Variants in DMXL1 observed in about 807,000 individuals in gnomAD.
DMXL1 encodes the protein dmX-like protein 1.
DMXL1 carries 99 observed loss-of-function variants against 319.2 expected under a neutral mutation model. The observed-to-expected ratio is 0.31, with a 90% confidence interval of 0.26 to 0.37. DMXL1 has a LOEUF of 0.37. DMXL1 is among the 10% of genes least tolerant of loss of function. The pLI, the probability that DMXL1 is intolerant of heterozygous loss-of-function variation, is 1.00. For synonymous variants in DMXL1, 1,385 were observed against 1,235.2 expected (o/e 1.12, Z -2.54); for missense variants, 3,745 against 3,595.6 (o/e 1.04, Z -1.06).
intron 10 of DMXL1, chr5:119,132,861 A>G: frequency 1.8e-6 from 1 of 566,606 alleles, no homozygotes. Flanking sequence ...TCATCTGTGC[A>G]AGGGCAAAAG....
intron 1 of DMXL1, among the ~76,000 whole-genome samples, chr5:119,072,530 T>A (rs974030532): frequency 6.6e-6 from 1 of 152,150 alleles, no homozygotes; most frequent in Non-Finnish European, 1.5e-5. Context: ...GCTGTAGGCT[T>A]TTTTCTTTAA....
intron 43 of DMXL1, among the ~76,000 whole-genome samples, chr5:119,245,787 C>T (rs1239855608): frequency 6.6e-6 from 1 of 152,000 alleles, no homozygotes; most frequent in Non-Finnish European, 1.5e-5. Context: ...ATCCGCCTGC[C>T]TGCCTCTGCC....
intron 13 of DMXL1, among the ~76,000 whole-genome samples, chr5:119,141,083 T>C (rs370749770): frequency 6.6e-6 from 1 of 152,198 alleles, no homozygotes; most frequent in Admixed American, 6.5e-5. Flanking sequence ...CTCAATAAAC[T>C]AGGTGTTGAA....
At chr5:119,071,771 C>G in intron 1 of DMXL1, 115 bp downstream of exon 1, 1 of 922,192 alleles carries the variant, frequency 1.1e-6, no homozygotes, top group East Asian at 2.7e-5. Context: ...CCAGGGGGGT[C>G]CTTACCACCC....
In DMXL1 at chr5:119,129,205, T is replaced by G; in HGVS notation, c.1103-6T>G. ...ATTTTAATTTTATCTTTTTTTTCTC[T>G]TATAGACATTCCACTTCTTCCATCT... On this transcript the variant is annotated splice_region_variant and splice_polypyrimidine_tract_variant and intron_variant, in intron 9 of 43. Transcript: ENST00000539542. 6.3e-7 allele frequency: 1 copy of G among 1,583,268 alleles called. No individual in the cohort carries two copies. The highest frequency in any genetic ancestry group is 8.6e-7 in the Non-Finnish European group (1 of 1,159,894).
intron 41 of DMXL1, among the ~76,000 whole-genome samples, chr5:119,239,432 G>A (rs1428520679): frequency 1.3e-5 from 2 of 152,092 alleles, no homozygotes; most frequent in African/African-American, 4.8e-5. Context: ...CTCGTCTTCC[G>A]TAGATATTTC....
intron 2 of DMXL1, among the ~76,000 whole-genome samples, chr5:119,100,257 C>T (rs528663546): frequency 2.0e-5 from 3 of 151,476 alleles, no homozygotes; most frequent in African/African-American, 7.3e-5. Flanking sequence ...AGAGAAACCC[C>T]GTCTCTACTA....
chr5:119,161,417 C>T (rs1454030544), intron 19 of DMXL1, among the ~76,000 whole-genome samples: 2 of 152,136 alleles, frequency 1.3e-5, no homozygotes, highest in South Asian at 2.1e-4. Flanking sequence ...AGGCTGGCCC[C>T]GAGGTTAGGC....
chr5:119,228,847 C>G (rs1023896755), intron 38 of DMXL1, among the ~76,000 whole-genome samples: 2 of 151,844 alleles, frequency 1.3e-5, no homozygotes, highest in African/African-American at 4.8e-5. Flanking sequence ...AAGGCAAATA[C>G]AGAAAGTTAT....
intron 42 of DMXL1, among the ~76,000 whole-genome samples, chr5:119,242,579 C>T (rs1283371843): frequency 6.6e-6 from 1 of 152,152 alleles, no homozygotes; most frequent in Non-Finnish European, 1.5e-5. Flanking sequence ...ATCAAAATTC[C>T]AGCATGCTAC....
At chr5:119,229,635 C>G (rs1786287773) in intron 38 of DMXL1, among the ~76,000 whole-genome samples, 1 of 152,172 alleles carries the variant, frequency 6.6e-6, no homozygotes, top group African/African-American at 2.4e-5. Context: ...ATCCTTCATA[C>G]CTCATAGCTT....
Position 119,134,157 on chromosome 5 carries a change from C to G in DMXL1, c.2233C>G (p.Leu745Val). Residue 745 changes from leucine (L) to valine (V), a missense_variant, in exon 12 of 44, where the codon CTT becomes GTT. Physicochemically the swap from Leu to Val is conservative, Grantham distance 32 (BLOSUM62 1). Coordinates refer to ENST00000539542, the MANE Select transcript of DMXL1 (RefSeq NM_001290321.3). ...AFSNVAWLPT[L>V]IPSYCLGAYC... ...TTCCAATGTGGCATGGCTGCCCACT[C>G]TTATACCCAGTTATTGTCTGGGTAA... The G allele has an allele frequency of 6.2e-7, 1 of 1,613,620 alleles. No homozygotes were observed. The highest frequency in any genetic ancestry group is 8.5e-7 in the Non-Finnish European group (1 of 1,179,908).
intron 29 of DMXL1, 141 bp from the exon 30 acceptor site, chr5:119,193,687 A>G (rs1779101161): frequency 1.2e-6 from 1 of 831,448 alleles, no homozygotes; most frequent in Middle Eastern, 3.5e-4. Context: ...TGTCAAAGGC[A>G]TAGGATGGTA....
chr5:119,194,828 T>A (rs1347370404), intron 30 of DMXL1, among the ~76,000 whole-genome samples: 1 of 151,958 alleles, frequency 6.6e-6, no homozygotes, highest in Non-Finnish European at 1.5e-5. Context: ...GCCGAGGTGG[T>A]CAGATCACTT....
chr5:119,178,034 G>A lies in DMXL1; in HGVS notation c.6925G>A (p.Glu2309Lys), dbSNP rs776291083. The change falls in exon 28 of 44, where the codon GAG (glutamate) becomes AAG (lysine). Residue 2309 changes from glutamate to lysine, a missense_variant. Around this residue, in one of 4 missense-constraint regions of DMXL1, gnomAD observed 1,382 missense variants for 1,269.5 expected, o/e 1.09. Coordinates refer to ENST00000539542, the MANE Select transcript of DMXL1 (RefSeq NM_001290321.3). ...AATTCGACTTTTGAATTCTTCTGGCGAGGAAGCCCAGTCAGGGCTTACAGT... is the reference window on the plus strand; with the variant it reads ...AATTCGACTTTTGAATTCTTCTGGCAAGGAAGCCCAGTCAGGGCTTACAGT... Reference protein sequence around the residue: ...CLIRLLNSSGEEAQSGLTVLL... With the variant: ...CLIRLLNSSGKEAQSGLTVLL... 13 of 1,610,422 alleles carry A rather than the reference G, an allele frequency of 8.1e-6. No individual in the cohort carries two copies. The highest frequency in any genetic ancestry group is 2.2e-5 in the South Asian group (2 of 90,328).
Position 119,189,848 on chromosome 5 carries a change from C to T in DMXL1, c.7276C>T (p.Pro2426Ser). 1.2e-6 allele frequency: 2 copies of T among 1,613,980 alleles called. No individual in the cohort carries two copies. Among genetic ancestry groups the T allele is most frequent in the East Asian group, 4.5e-5 (2 of 44,852 alleles). ...ESLAVKEKFI[P>S]PELSIWDYFI... ...ACTGGCGGTTAAAGAAAAGTTCATCCCACCTGAGCTCAGTATCTGGGACTA... is the reference window on the plus strand; with the variant it reads ...ACTGGCGGTTAAAGAAAAGTTCATCTCACCTGAGCTCAGTATCTGGGACTA... The change falls in exon 29 of 44, where the codon CCA (proline) becomes TCA (serine). Residue 2426 changes from proline (P) to serine (S), a missense_variant. Transcript: ENST00000539542.
intron 1 of DMXL1, among the ~76,000 whole-genome samples, chr5:119,091,775 T>A (rs535577467): frequency 6.6e-6 from 1 of 152,294 alleles, no homozygotes; most frequent in Admixed American, 6.5e-5. Context: ...TAAGGGTTCA[T>A]GTGCTGGAAA....
chr5:119,111,840 A>G (rs1759674204), intron 5 of DMXL1, among the ~76,000 whole-genome samples: 1 of 152,256 alleles, frequency 6.6e-6, no homozygotes, highest in East Asian at 1.9e-4. Flanking sequence ...GTGCAATAAG[A>G]GGTGATCTCA....
Position 119,143,788 on chromosome 5 carries a change from C to G in DMXL1, c.2377-53C>G, listed in dbSNP as rs986214261. 39 of 1,219,198 alleles carry G rather than the reference C, an allele frequency of 3.2e-5. No homozygotes were observed. The African/African-American group carries it at 4.7e-4, about 15-fold the overall frequency. The allele number at this position is 1,219,198 out of a possible 1,614,324, so 75.5% of individuals were successfully genotyped here. A position where few individuals can be genotyped will look rare whatever the true frequency, so the allele number is the denominator to read the frequency against. On this transcript the variant is annotated intron_variant, in intron 13 of 43. Transcript: ENST00000539542. ...TATGCTTGAAATTTTGTTATTTACT[C>G]TTATTTGCATATGAATTGTTTAGTA...
Sources: allele counts gnomAD v4.1 joint callset (sites outside exome capture counted in the v4.1 genomes callset), GRCh38; gene constraint gnomAD v4.1.1; regional missense constraint gnomAD v4.1.1; transcripts MANE v1.5; gene names NCBI Gene and HGNC (gene_info 2026-07-23, HGNC 2026-07-21).